PRR16: variants seen among roughly 807,000 people sequenced by gnomAD.
PRR16 encodes proline rich 16, also known as protein Largen.
A neutral mutation model predicts 18.2 loss-of-function variants in PRR16; 6 were observed. The ratio of observed to expected loss-of-function variants is 0.33; its 90% confidence interval spans 0.18 to 0.65. The LOEUF is 0.65. Among genes scored for constraint, PRR16 ranks in the 30% least tolerant of loss-of-function variants. The probability of loss-of-function intolerance (pLI) is 0.74; values close to 1 mark genes in which losing one functional copy is unlikely to be tolerated. For missense variants in PRR16, 412 were observed against 376.6 expected (o/e 1.09, Z -0.78); for synonymous variants, 151 against 147.8 (o/e 1.02, Z -0.16).
the PRR16 span, among the ~76,000 whole-genome samples, chr5:120,747,561 G>A: frequency 2.6e-5 from 4 of 152,078 alleles, no homozygotes; most frequent in Admixed American, 2.6e-4. Flanking sequence ...TGAAAAAGGA[G>A]CAACATTGTG....
At chr5:120,768,912 T>A in the PRR16 span, among the ~76,000 whole-genome samples, 2 of 151,710 alleles carry the variant, frequency 1.3e-5, no homozygotes, top group African/African-American at 4.8e-5. Flanking sequence ...ATTAAAACGA[T>A]GTCATTCATT....
At chr5:120,580,205 A>T (rs1211591097) in intron 1 of PRR16, among the ~76,000 whole-genome samples, 1 of 152,078 alleles carries the variant, frequency 6.6e-6, no homozygotes, top group Non-Finnish European at 1.5e-5. Flanking sequence ...CTCTCTTCCT[A>T]TTTGAATACC....
chr5:120,551,671 G>C (rs1752259217), intron 1 of PRR16, among the ~76,000 whole-genome samples: 1 of 151,944 alleles, frequency 6.6e-6, no homozygotes, highest in South Asian at 2.1e-4. Flanking sequence ...GTTAAGACCT[G>C]TGCATGTATA....
downstream of PRR16, among the ~76,000 whole-genome samples, chr5:120,692,037 G>A (rs1299473598): frequency 6.6e-6 from 1 of 152,122 alleles, no homozygotes; most frequent in Non-Finnish European, 1.5e-5. Flanking sequence ...GCCAGTAAGT[G>A]GTCAAGTGGA....
chr5:120,467,799 A>G (rs957104388), intron 1 of PRR16, among the ~76,000 whole-genome samples: 2 of 152,158 alleles, frequency 1.3e-5, no homozygotes, highest in African/African-American at 4.8e-5. Flanking sequence ...ATTTAGTAAA[A>G]TCTCAAATAA....
chr5:120,602,667 T>A (rs1005854353), intron 1 of PRR16, among the ~76,000 whole-genome samples: 2 of 152,088 alleles, frequency 1.3e-5, no homozygotes, highest in Non-Finnish European at 2.9e-5. Flanking sequence ...TGCTTCAGCT[T>A]TTGCCCATTG....
chr5:120,655,043 G>T (rs1294973110), intron 1 of PRR16, among the ~76,000 whole-genome samples: 1 of 151,688 alleles, frequency 6.6e-6, no homozygotes, highest in Non-Finnish European at 1.5e-5. Flanking sequence ...TTTATCTCAT[G>T]TACACCAATC....
intron 1 of PRR16, among the ~76,000 whole-genome samples, chr5:120,581,727 C>A (rs1427391552): frequency 6.6e-6 from 1 of 152,072 alleles, no homozygotes; most frequent in African/African-American, 2.4e-5. Flanking sequence ...TCTCTTTGTT[C>A]TCCTTGGTTT....
chr5:120,760,726 G>A, the PRR16 span, among the ~76,000 whole-genome samples: 1 of 152,114 alleles, frequency 6.6e-6, no homozygotes, highest in Non-Finnish European at 1.5e-5. Context: ...AGGCCCCAGG[G>A]AGCAACCTTC....
At chr5:120,734,376 T>C in the PRR16 span, among the ~76,000 whole-genome samples, 3 of 152,142 alleles carry the variant, frequency 2.0e-5, no homozygotes, top group African/African-American at 2.4e-5. Context: ...TGCATGTTTA[T>C]TCGTTACAGT....
intron 1 of PRR16, among the ~76,000 whole-genome samples, chr5:120,522,357 A>T (rs557902641): frequency 3.3e-5 from 5 of 152,040 alleles, no homozygotes; most frequent in Admixed American, 6.6e-5. Flanking sequence ...TTTTAATGAT[A>T]GCCATTCTAA....
At chr5:120,543,107 C>G (rs981353175) in intron 1 of PRR16, among the ~76,000 whole-genome samples, 10 of 152,048 alleles carry the variant, frequency 6.6e-5, no homozygotes, top group African/African-American at 9.7e-5. Context: ...AATCCATAGG[C>G]TGAAATATAG....
chr5:120,675,541 T>G (rs1260670514), intron 1 of PRR16, among the ~76,000 whole-genome samples: 1 of 152,162 alleles, frequency 6.6e-6, no homozygotes, highest in Non-Finnish European at 1.5e-5. Context: ...TTTTTCCACC[T>G]TTTTATTAAC....
intron 1 of PRR16, among the ~76,000 whole-genome samples, chr5:120,593,061 TAGAA>T (rs1441374947): frequency 1.3e-5 from 2 of 151,828 alleles, no homozygotes; most frequent in Non-Finnish European, 2.9e-5. Context: ...ATCCAAAAGT[TAGAA>T]AGATCTCAAG....
intron 1 of PRR16, among the ~76,000 whole-genome samples, chr5:120,520,552 A>T (rs1180368357): frequency 6.6e-6 from 1 of 152,210 alleles, no homozygotes; most frequent in Non-Finnish European, 1.5e-5. Flanking sequence ...TCTTTATTCA[A>T]ATCTTGGTTC....
the PRR16 span, among the ~76,000 whole-genome samples, chr5:120,753,734 TATA>T: frequency 3.4e-5 from 5 of 148,796 alleles, no homozygotes; most frequent in East Asian, 9.8e-4. Flanking sequence ...ATATGAGATA[TATA>T]ATATCATTAT....
chr5:120,486,423 G>C (rs9687547), intron 1 of PRR16, among the ~76,000 whole-genome samples: 1 of 150,042 alleles, frequency 6.7e-6, no homozygotes, highest in East Asian at 2.0e-4. Context: ...TTTTTTCATG[G>C]GTCTGTTGGC....
chr5:120,626,678 G>A (rs569784724), intron 1 of PRR16, among the ~76,000 whole-genome samples: 2 of 152,106 alleles, frequency 1.3e-5, no homozygotes, highest in African/African-American at 4.8e-5. Context: ...AAGTACCATA[G>A]TTTAATGATA....
At chr5:120,597,421 A>G (rs17493781) in intron 1 of PRR16, among the ~76,000 whole-genome samples, 33,045 of 151,472 alleles carry the variant, frequency 0.22, 4,365 homozygotes, top group Middle Eastern at 0.39. Context: ...TTTGTGTATT[A>G]ATGTTTCTCT....
Sources: allele counts gnomAD v4.1 joint callset (sites outside exome capture counted in the v4.1 genomes callset), GRCh38; gene constraint gnomAD v4.1.1; transcripts MANE v1.5; gene names NCBI Gene and HGNC (gene_info 2026-07-23, HGNC 2026-07-21).